The following TULP4 variants were observed in gnomAD, a reference collection of about 807,000 sequenced individuals.
TULP4 encodes the protein tubby-related protein 4.
TULP4 carries 16 observed loss-of-function variants against 129.0 expected under a neutral mutation model. The ratio of observed to expected loss-of-function variants is 0.12; its 90% CI spans 0.08 to 0.19. The LOEUF (loss-of-function observed/expected upper bound fraction) is 0.19, where lower values mean the gene tolerates loss of function less well. TULP4 is among the 10% of genes least tolerant of loss of function. The pLI, the probability that TULP4 is intolerant of heterozygous loss-of-function variation, is 1.00. For missense variants in TULP4, 1,842 were observed against 2,059.1 expected (o/e 0.89, Z 2.04); for synonymous variants, 998 against 854.0 (o/e 1.17, Z -2.94).
Position 158,503,615 on chromosome 6 carries a change from G to C in TULP4, c.3952G>C (p.Val1318Leu). The change falls in exon 13 of 14, where the codon GTC (valine) becomes CTC (leucine). Residue 1318 changes from valine to leucine, a missense_variant. Transcript: ENST00000367097. The surrounding 1 kb of genome is among the most constrained non-coding windows in gnomAD (Gnocchi z 4.3). ...AGAGACTGCAGACAACTTCCAGGAA[G>C]TCCTCTCCCTGACCGAAAGCCCAGT... ...MVETADNFQE[V>L]LSLTESPVPQ... is the part of the protein sequence containing the mutation. 1 of 1,614,090 alleles carries C rather than the reference G, an allele frequency of 6.2e-7. No individual in the cohort carries two copies.
chr6:158,261,432 T>G (rs1298726702), intron 1 of TULP4, among the ~76,000 whole-genome samples: 3 of 152,128 alleles, frequency 2.0e-5, no homozygotes, highest in Non-Finnish European at 2.9e-5. Flanking sequence ...AGTTTTAGAG[T>G]AGCTTAAGAC....
At chr6:158,235,369 A>C (rs1303653739) in intron 1 of TULP4, among the ~76,000 whole-genome samples, 1 of 151,890 alleles carries the variant, frequency 6.6e-6, no homozygotes, top group East Asian at 1.9e-4. Context: ...TCTATTTTCT[A>C]TCTCTATGAA....
chr6:158,430,472 G>A (rs1778604192), intron 3 of TULP4, among the ~76,000 whole-genome samples: 1 of 152,200 alleles, frequency 6.6e-6, no homozygotes, highest in African/African-American at 2.4e-5. Context: ...GCCAGGCACG[G>A]TGGCTCACGC....
At chr6:158,253,590 T>C (rs1390309019) in intron 1 of TULP4, among the ~76,000 whole-genome samples, 3 of 151,632 alleles carry the variant, frequency 2.0e-5, no homozygotes, top group African/African-American at 7.3e-5. Flanking sequence ...CACCTGTTAA[T>C]GTTAGTTGAC....
chr6:158,452,049 G>T, intron 4 of TULP4, 85 bp from the exon 5 acceptor site: 1 of 1,566,346 alleles, frequency 6.4e-7, no homozygotes. Flanking sequence ...CAATTTCTAA[G>T]GCACCATGCA....
rs373096996 is a variant in TULP4 at position 158,494,860 on chromosome 6, C to T, written c.1870+14C>T. On this transcript the variant is annotated intron_variant, in intron 11 of 13. Transcript: ENST00000367097. Reference sequence around the variant, plus strand: ...ACCTCGGTGCAGGTAAAAATCATGTCCTCTTCTCTCATTGTCCCAGTTGGA... The same window carrying T: ...ACCTCGGTGCAGGTAAAAATCATGTTCTCTTCTCTCATTGTCCCAGTTGGA... 21 of 1,610,122 alleles carry T rather than the reference C, an allele frequency of 1.3e-5. No homozygotes were observed. Among genetic ancestry groups the T allele is most frequent in the Non-Finnish European group, 1.8e-5 (21 of 1,176,698 alleles).
At chr6:158,334,601 C>CGCA (rs1554281172) in intron 1 of TULP4, among the ~76,000 whole-genome samples, 11 of 151,804 alleles carry the variant, frequency 7.2e-5, no homozygotes, top group Admixed American at 5.9e-4. Context: ...CCCCTAACCC[C>CGCA]CGCATTGTTC....
At chr6:158,309,312 C>G (rs371943785), upstream of TULP4, among the ~76,000 whole-genome samples, 1 of 141,652 alleles carries the variant, frequency 7.1e-6, no homozygotes, top group African/African-American at 2.7e-5. Context: ...GGCAGAGGCG[C>G]TCCCCACATC....
At position 158,503,430 on chromosome 6, in the gene TULP4, C is replaced by T. The variant is rs1189946309; in HGVS notation, c.3767C>T (p.Pro1256Leu). 5 of 1,614,034 alleles carry T rather than the reference C, an allele frequency of 3.1e-6. No homozygotes were observed. The highest frequency in any genetic ancestry group is 2.2e-5 in the South Asian group (2 of 91,074). Residue 1256 changes from proline to leucine, a missense_variant, in exon 13 of 14, where the codon CCA (proline) becomes CTA (leucine). Transcript: ENST00000367097. The surrounding 1 kb of genome is among the most constrained non-coding windows in gnomAD (Gnocchi z 4.3). ...GSSTCSSLQL[P>L]PVALHPWSSY... is the part of the protein sequence containing the mutation. ...AGCACGTGCTCTAGTTTACAGCTGC[C>T]ACCTGTCGCCTTGCATCCATGGAGT...
chr6:158,245,892 C>G (rs1562493217), intron 1 of TULP4, among the ~76,000 whole-genome samples: 1 of 152,170 alleles, frequency 6.6e-6, no homozygotes, highest in Admixed American at 6.5e-5. Context: ...CCAGAAACCA[C>G]CTAATAGATG....
intron 1 of TULP4, among the ~76,000 whole-genome samples, chr6:158,377,825 G>T (rs1047924916): frequency 6.6e-6 from 1 of 152,060 alleles, no homozygotes; most frequent in African/African-American, 2.4e-5. Context: ...ATTTTATAAT[G>T]GTTATATATT....
intron 1 of TULP4, among the ~76,000 whole-genome samples, chr6:158,374,151 C>T (rs755381784): frequency 1.3e-4 from 20 of 152,128 alleles, no homozygotes; most frequent in Non-Finnish European, 2.2e-4. Context: ...CAGCCAAGCA[C>T]AGTAGTGCCC....
intron 4 of TULP4, among the ~76,000 whole-genome samples, chr6:158,450,569 A>G (rs920014632): frequency 1.3e-5 from 2 of 152,150 alleles, no homozygotes; most frequent in Admixed American, 1.3e-4. Context: ...TAGCACCCAT[A>G]AAGCAATTTA....
intron 1 of TULP4, among the ~76,000 whole-genome samples, chr6:158,330,610 C>T (rs1319274316): frequency 6.6e-6 from 1 of 152,186 alleles, no homozygotes; most frequent in East Asian, 1.9e-4. Flanking sequence ...AAGAACATAA[C>T]CACTATAGTA....
chr6:158,452,309 C>T (rs1779180088), intron 5 of TULP4, 41 bp downstream of exon 5: 1 of 1,606,218 alleles, frequency 6.2e-7, no homozygotes, highest in African/African-American at 1.3e-5. Context: ...CAGACCGGGC[C>T]TGTGTGTGCT....
At chr6:158,467,864 C>T (rs1336921951) in intron 6 of TULP4, among the ~76,000 whole-genome samples, 2 of 152,184 alleles carry the variant, frequency 1.3e-5, no homozygotes, top group African/African-American at 4.8e-5. Flanking sequence ...TCATGGCAGT[C>T]TCAGTAAATA....
chr6:158,247,835 G>A (rs1399678377), intron 1 of TULP4, among the ~76,000 whole-genome samples: 2 of 152,228 alleles, frequency 1.3e-5, no homozygotes, highest in African/African-American at 2.4e-5. Flanking sequence ...TAGTGCCGGG[G>A]CAGTTTTAAT....
chr6:158,268,869 A>G (rs1334181458), intron 1 of TULP4, among the ~76,000 whole-genome samples: 1 of 152,148 alleles, frequency 6.6e-6, no homozygotes, highest in Non-Finnish European at 1.5e-5. Flanking sequence ...ATGATACTGA[A>G]TAGCACTTTT....
At chr6:158,431,815 G>T (rs958812894) in intron 3 of TULP4, among the ~76,000 whole-genome samples, 1 of 152,156 alleles carries the variant, frequency 6.6e-6, no homozygotes, top group African/African-American at 2.4e-5. Flanking sequence ...GGGAAGCATG[G>T]AGGCCATGCT....
Sources: gnomAD v4.1 joint callset for allele counts (sites outside exome capture counted in the v4.1 genomes callset) on GRCh38, gnomAD v4.1.1 for gene constraint, Gnocchi (gnomAD v3.1) non-coding constraint, MANE v1.5 for transcripts, NCBI Gene and HGNC (gene_info 2026-07-23, HGNC 2026-07-21) for gene names.